Variants in ST3GAL3 observed in about 807,000 individuals in gnomAD.
The protein encoded by ST3GAL3 is ST3 beta-galactoside alpha-2,3-sialyltransferase 3, also known as CMP-N-acetylneuraminate-beta-1,4-galactoside alpha-2,3-sialyltransferase.
A neutral mutation model predicts 50.1 loss-of-function variants in ST3GAL3; 21 were observed. The observed-to-expected ratio is 0.42, with a 90% confidence interval of 0.30 to 0.60. The LOEUF (loss-of-function observed/expected upper bound fraction) is 0.60, where lower values mean the gene tolerates loss of function less well. Among genes scored for constraint, ST3GAL3 ranks in the 20% least tolerant of loss-of-function variants. The pLI is 0.19. For missense variants in ST3GAL3, 353 were observed against 489.4 expected, an observed-to-expected ratio of 0.72 and a Z score of 2.63; for synonymous variants, 183 against 190.0, an observed-to-expected ratio of 0.96 and a Z score of 0.30.
At chr1:43,808,805 T>G (rs1437462449) in intron 3 of ST3GAL3, among the ~76,000 whole-genome samples, 2 of 152,134 alleles carry the variant, frequency 1.3e-5, no homozygotes, top group African/African-American at 2.4e-5. Flanking sequence ...TACCAGAATC[T>G]GGGGAAAGAA....
At chr1:43,745,619 A>G (rs114533182) in intron 2 of ST3GAL3, among the ~76,000 whole-genome samples, 2,181 of 152,244 alleles carry the variant, frequency 0.014, 55 homozygotes, top group African/African-American at 0.05. Flanking sequence ...TAGCTTTTCT[A>G]TGTTTAGATA....
intron 2 of ST3GAL3, among the ~76,000 whole-genome samples, chr1:43,787,237 C>T (rs3791051): frequency 0.36 from 54,919 of 152,090 alleles, 10,622 homozygotes; most frequent in East Asian, 0.54. Context: ...GCCTGGGAGC[C>T]AGGAACAGCT....
intron 6 of ST3GAL3, among the ~76,000 whole-genome samples, chr1:43,897,890 C>G (rs1053579726): frequency 6.6e-6 from 1 of 152,166 alleles, no homozygotes; most frequent in Non-Finnish European, 1.5e-5. Flanking sequence ...AGACTGCGTG[C>G]GCCAGCTTCC....
chr1:43,883,324 A>G (rs1199507557), intron 5 of ST3GAL3, among the ~76,000 whole-genome samples: 1 of 152,146 alleles, frequency 6.6e-6, no homozygotes, highest in East Asian at 1.9e-4. Flanking sequence ...CAGCCCAGAC[A>G]TGTGCCCATC....
intron 5 of ST3GAL3, among the ~76,000 whole-genome samples, chr1:43,878,783 A>C (rs566646690): frequency 3.9e-5 from 6 of 152,226 alleles, no homozygotes; most frequent in Non-Finnish European, 8.8e-5. Flanking sequence ...ATCAAGAGGG[A>C]AGAGCAGACA....
At chr1:43,793,130 A>G (rs1437995972) in intron 3 of ST3GAL3, among the ~76,000 whole-genome samples, 2 of 152,198 alleles carry the variant, frequency 1.3e-5, no homozygotes, top group Non-Finnish European at 2.9e-5. Flanking sequence ...ACCACTATTT[A>G]CTGAGGGTCT....
chr1:43,784,936 C>T (rs2057101770), intron 2 of ST3GAL3, among the ~76,000 whole-genome samples: 1 of 152,210 alleles, frequency 6.6e-6, no homozygotes. Flanking sequence ...CTCTGTCCTG[C>T]TACTCCTGTC....
rs751937263 is a variant in ST3GAL3 at position 43,734,297 on chromosome 1, C to CT, written c.-30-1926dup. Reference sequence around the variant, plus strand: ...TTTCTTCTCTTTCTTTCTTCTTCTTCTTTTTTTTTTGTTTTTTTTTTTTTT... The same window carrying CT: ...TTTCTTCTCTTTCTTTCTTCTTCTTCTTTTTTTTTTTGTTTTTTTTTTTTTT... On this transcript the variant is annotated intron_variant, in intron 1 of 11. Transcript: ENST00000347631. Among the ~76,000 whole-genome samples, 190 of 114,400 alleles carry CT rather than the reference C, an allele frequency of 1.7e-3. 6 individuals carry two copies. The highest frequency in any genetic ancestry group is 0.01 in the South Asian group (35 of 3,352). The allele number at this position is 114,400 out of a possible 152,430, so 75.1% of individuals were successfully genotyped here.
chr1:43,755,142 T>C (rs1572186907), intron 2 of ST3GAL3, among the ~76,000 whole-genome samples: 1 of 152,274 alleles, frequency 6.6e-6, no homozygotes, highest in East Asian at 1.9e-4. Flanking sequence ...TCTCAAGGAA[T>C]GTACAGGGAA....
At chr1:43,825,259 C>T (rs2062636243) in intron 4 of ST3GAL3, among the ~76,000 whole-genome samples, 1 of 152,152 alleles carries the variant, frequency 6.6e-6, no homozygotes, top group African/African-American at 2.4e-5. Context: ...CGGCTACTTT[C>T]TTTTGATTCT....
chr1:43,871,051 C>T (rs2072590257), intron 5 of ST3GAL3, among the ~76,000 whole-genome samples: 1 of 152,128 alleles, frequency 6.6e-6, no homozygotes, highest in Non-Finnish European at 1.5e-5. Context: ...TAGGAAACAC[C>T]CTCTGTTCCT....
Position 43,765,714 on chromosome 1 carries a change from G to T in ST3GAL3, c.119-26388G>T, listed in dbSNP as rs890873933. Among the ~76,000 whole-genome samples, 6 of 151,432 alleles carry T rather than the reference G, an allele frequency of 4.0e-5. No individual in the cohort carries two copies. In the South Asian group the frequency reaches 6.3e-4, roughly 16 times the overall value. ...CCTTGCTCTGGAAAGGCAAAAAAGG[G>T]TAAAACAATTTCATGTGCATGTGTG... On this transcript the variant is annotated intron_variant, in intron 2 of 11. Coordinates refer to ENST00000347631, the MANE Select transcript of ST3GAL3 (RefSeq NM_006279.5).
chr1:43,885,505 A>G (rs2075838941), intron 5 of ST3GAL3, among the ~76,000 whole-genome samples: 1 of 151,434 alleles, frequency 6.6e-6, no homozygotes, highest in Admixed American at 6.6e-5. Context: ...CTCCCCTGCT[A>G]CCCCCTAGGC....
intron 10 of ST3GAL3, 101 bp from the exon 11 acceptor site, chr1:43,920,681 G>A: frequency 6.2e-7 from 1 of 1,609,768 alleles, no homozygotes; most frequent in Non-Finnish European, 8.5e-7. Flanking sequence ...CAGTCCTTGG[G>A]CATGGAGGCT....
At chr1:43,891,421 T>A (rs1007025189) in intron 5 of ST3GAL3, among the ~76,000 whole-genome samples, 9 of 152,060 alleles carry the variant, frequency 5.9e-5, no homozygotes, top group Non-Finnish European at 5.9e-5. Flanking sequence ...AATACAAAAT[T>A]AACCGGGCAT....
chr1:43,875,162 A>G (rs2073816699), intron 5 of ST3GAL3, among the ~76,000 whole-genome samples: 1 of 152,178 alleles, frequency 6.6e-6, no homozygotes, highest in Non-Finnish European at 1.5e-5. Flanking sequence ...TGCAGTAAGA[A>G]TATAAGGAAG....
chr1:43,838,411 T>A, intron 5 of ST3GAL3, 100 bp downstream of exon 5: 3 of 1,091,424 alleles, frequency 2.7e-6, no homozygotes, highest in Non-Finnish European at 4.2e-6. Flanking sequence ...TCCTATGCTC[T>A]GGAAACCATG....
At chr1:43,758,544 A>C (rs1688989659) in intron 2 of ST3GAL3, among the ~76,000 whole-genome samples, 1 of 152,096 alleles carries the variant, frequency 6.6e-6, no homozygotes. Context: ...CAGCCACCGC[A>C]CCTAATCTTA....
At chr1:43,774,797 T>C (rs908338768) in intron 2 of ST3GAL3, among the ~76,000 whole-genome samples, 4 of 152,184 alleles carry the variant, frequency 2.6e-5, no homozygotes, top group African/African-American at 9.7e-5. Context: ...CAAATACATA[T>C]TGAGTGTCTG....
Sources: allele counts gnomAD v4.1 joint callset (sites outside exome capture counted in the v4.1 genomes callset), GRCh38; gene constraint gnomAD v4.1.1; transcripts MANE v1.5; gene names NCBI Gene and HGNC (gene_info 2026-07-23, HGNC 2026-07-21).